The following ADD3 variants were observed in gnomAD, a reference collection of about 807,000 sequenced individuals.
ADD3 encodes the protein adducin 3.
ADD3 carries 25 observed loss-of-function variants against 80.2 expected under a neutral mutation model. The ratio of observed to expected loss-of-function variants is 0.31; its 90% CI spans 0.23 to 0.44. The LOEUF is 0.44. Ranked by LOEUF, ADD3 falls within the 20% of genes least tolerant of loss-of-function variation. The pLI, the probability that ADD3 is intolerant of heterozygous loss-of-function variation, is 1.00. For missense variants in ADD3, 829 were observed against 847.5 expected, an observed-to-expected ratio of 0.98 and a Z score of 0.27; for synonymous variants, 284 against 289.6, an observed-to-expected ratio of 0.98 and a Z score of 0.20.
chr10:110,018,485 G>A (rs1187586752), intron 1 of ADD3, among the ~76,000 whole-genome samples: 7 of 135,102 alleles, frequency 5.2e-5, no homozygotes, highest in African/African-American at 1.1e-4. Flanking sequence ...CTGAGATCAC[G>A]CCATTGCACT....
intron 1 of ADD3, among the ~76,000 whole-genome samples, chr10:110,046,228 A>C (rs1284000989): frequency 1.3e-5 from 2 of 152,160 alleles, no homozygotes; most frequent in African/African-American, 4.8e-5. Context: ...CAATAAATAC[A>C]GTACAGTACC....
rs1367141832 is a variant in ADD3 at position 110,132,373 on chromosome 10, C to T, written c.1801C>T (p.Pro601Ser). The T allele has an allele frequency of 1.2e-6, 2 of 1,613,372 alleles. No individual in the cohort carries two copies. The highest frequency in any genetic ancestry group is 2.2e-5 in the East Asian group (1 of 44,862). The change falls in exon 14 of 15, where the codon CCG (proline) becomes TCG (serine). Residue 601 changes from proline to serine, a missense_variant. Transcript: ENST00000356080. ...VSQIQSQTQSPQNVPEKLEEN... is the reference protein window; with the variant it reads ...VSQIQSQTQSSQNVPEKLEEN... The stretch of plus-strand genomic sequence containing the variant: ...ACAAATTCAGTCTCAAACTCAGTCA[C>T]CGCAAAATGTCCCTGAAAAATTAGA...
At chr10:110,073,431 C>T (rs1268308363) in intron 1 of ADD3, among the ~76,000 whole-genome samples, 5 of 152,198 alleles carry the variant, frequency 3.3e-5, no homozygotes, top group African/African-American at 1.2e-4. Flanking sequence ...CGTGAGCCAC[C>T]GTGCCCGGCC....
At chr10:110,063,545 A>G (rs1414350753) in intron 1 of ADD3, among the ~76,000 whole-genome samples, 1 of 151,618 alleles carries the variant, frequency 6.6e-6, no homozygotes, top group Non-Finnish European at 1.5e-5. Context: ...CAGTGTCTCC[A>G]GAGAGCTAAG....
At chr10:110,083,212 A>G (rs140708469) in intron 1 of ADD3, among the ~76,000 whole-genome samples, 42 of 152,344 alleles carry the variant, frequency 2.8e-4, no homozygotes, top group Non-Finnish European at 5.3e-4. Flanking sequence ...GAAAGTCACC[A>G]TGGAAGGGGT....
chr10:110,036,237 A>G (rs556558879), intron 1 of ADD3, among the ~76,000 whole-genome samples: 2 of 152,256 alleles, frequency 1.3e-5, no homozygotes, highest in East Asian at 1.9e-4. Context: ...GGTTTCATCT[A>G]TAGTGAGGCA....
At chr10:110,122,609 A>C (rs1375955832) in intron 9 of ADD3, among the ~76,000 whole-genome samples, 1 of 134,632 alleles carries the variant, frequency 7.4e-6, no homozygotes, top group Non-Finnish European at 1.6e-5. Context: ...TGTAACCACT[A>C]TTCTACTCTA....
At position 110,042,982 on chromosome 10, in the gene ADD3, AATG is replaced by A. The variant is rs374801774; in HGVS notation, c.-30+34686_-30+34688del. On this transcript the variant is annotated intron_variant, in intron 1 of 14. Transcript: ENST00000356080. The stretch of plus-strand genomic sequence containing the variant: ...TGGGTCATATTTAATATTTTTAAAT[AATG>A]ATCACGTATTTCAGCTTTTCAGCAA... Among the ~76,000 whole-genome samples, 87 of 152,344 alleles carry A rather than the reference AATG, an allele frequency of 5.7e-4. 1 individual carries two copies. The East Asian group carries it at 0.014, about 25-fold the overall frequency.
intron 8 of ADD3, 136 bp from the exon 9 acceptor site, chr10:110,121,974 A>G (rs1364137401): frequency 7.7e-6 from 5 of 649,226 alleles, no homozygotes; most frequent in Non-Finnish European, 1.2e-5. Flanking sequence ...CAAGAGTGTC[A>G]TCTTGTCTTT....
intron 4 of ADD3, among the ~76,000 whole-genome samples, chr10:110,116,868 G>A (rs1850803276): frequency 6.6e-6 from 1 of 152,114 alleles, no homozygotes; most frequent in African/African-American, 2.4e-5. Flanking sequence ...AACAAAAGAG[G>A]ATTAAAATAT....
chr10:110,070,943 GTT>G (rs11340876), intron 1 of ADD3, among the ~76,000 whole-genome samples: 6 of 103,392 alleles, frequency 5.8e-5, no homozygotes, highest in African/African-American at 1.3e-4. Context: ...CATCATGTGG[GTT>G]TTTTTTTTTG....
intron 1 of ADD3, among the ~76,000 whole-genome samples, chr10:110,024,003 G>A (rs1853988770): frequency 6.6e-6 from 1 of 152,150 alleles, no homozygotes. Context: ...AGTCGACACT[G>A]GGGACTACTA....
intron 1 of ADD3, among the ~76,000 whole-genome samples, chr10:109,998,718 T>G (rs901028397): frequency 6.6e-6 from 1 of 152,132 alleles, no homozygotes; most frequent in Non-Finnish European, 1.5e-5. Context: ...AACTTGTTCC[T>G]GCCTCATGAC....
intron 1 of ADD3, among the ~76,000 whole-genome samples, chr10:110,072,943 T>C (rs1308848664): frequency 2.0e-5 from 3 of 151,974 alleles, no homozygotes; most frequent in Non-Finnish European, 4.4e-5. Context: ...TGTCCAGGCC[T>C]TTTTTTCTCC....
Position 110,132,900 on chromosome 10 carries a change from G to A in ADD3, c.1829-426G>A, listed in dbSNP as rs559353211. The stretch of plus-strand genomic sequence containing the variant: ...CAAGACTGCCACTGCACTCCGGCCT[G>A]GGCGACAGAGTGAGACTCCGCCTCA... On this transcript the variant is annotated intron_variant, in intron 14 of 14. Transcript: ENST00000356080. 2.3e-4 allele frequency among the ~76,000 whole-genome samples: 34 copies of A among 146,962 alleles called. No homozygotes were observed. The South Asian group carries it at 6.8e-3, about 29-fold the overall frequency.
Position 109,997,865 on chromosome 10 carries a change from G to C in ADD3, n.79+1419G>C, listed in dbSNP as rs560386961. 2.6e-5 allele frequency among the ~76,000 whole-genome samples: 4 copies of C among 152,224 alleles called. No individual in the cohort carries two copies. In the South Asian group the frequency reaches 8.3e-4, roughly 31 times the overall value. ...ACCTACTACAGAAGAGTTTTGATGG[G>C]GAAGGGTTAAGATGGGGGCTGATGC... On this transcript the variant is annotated intron_variant and non_coding_transcript_variant, in intron 1 of 5. Coordinates refer to the ADD3 transcript ENST00000468251.
At chr10:110,049,470 T>G (rs1746288246) in intron 1 of ADD3, among the ~76,000 whole-genome samples, 1 of 152,148 alleles carries the variant, frequency 6.6e-6, no homozygotes, top group South Asian at 2.1e-4. Flanking sequence ...GCAGCCTGAG[T>G]GGTGCTGTAT....
At chr10:110,098,307 G>A (rs1848415712) in intron 1 of ADD3, among the ~76,000 whole-genome samples, 1 of 152,132 alleles carries the variant, frequency 6.6e-6, no homozygotes, top group Non-Finnish European at 1.5e-5. Context: ...TGTAATGATT[G>A]GGAGTATTTT....
chr10:110,021,910 CTG>C (rs1177024728), intron 1 of ADD3, among the ~76,000 whole-genome samples: 3 of 152,168 alleles, frequency 2.0e-5, no homozygotes, highest in Admixed American at 1.3e-4. Flanking sequence ...GAAAAAAAAT[CTG>C]TGCGTGCAAA....
Sources: gnomAD v4.1 joint callset for allele counts (sites outside exome capture counted in the v4.1 genomes callset) on GRCh38, gnomAD v4.1.1 for gene constraint, MANE v1.5 for transcripts, NCBI Gene and HGNC (gene_info 2026-07-23, HGNC 2026-07-21) for gene names.